SPAG16: variants seen among roughly 807,000 people sequenced by gnomAD.
The protein encoded by SPAG16 is sperm associated antigen 16, also known as sperm-associated antigen 16 protein.
In SPAG16, 86 loss-of-function variants were observed where a neutral mutation model predicts 80.4. The observed-to-expected ratio is 1.07, with a 90% confidence interval of 0.90 to 1.28. The LOEUF is 1.28. Ranked by LOEUF, SPAG16 falls within the 50% of genes most tolerant of loss-of-function variation. SPAG16 has a pLI of 0.00. For missense variants in SPAG16, 870 were observed against 765.3 expected (o/e 1.14, Z -1.61); for synonymous variants, 294 against 265.9 (o/e 1.11, Z -1.03).
intron 15 of SPAG16, among the ~76,000 whole-genome samples, chr2:214,277,957 G>T (rs1389762344): frequency 2.0e-5 from 3 of 152,170 alleles, no homozygotes; most frequent in Non-Finnish European, 4.4e-5. Context: ...GCTGTGGTGG[G>T]GTCCACCAGT....
At chr2:213,573,007 G>GC (rs1296243135) in intron 10 of SPAG16, among the ~76,000 whole-genome samples, 1 of 152,108 alleles carries the variant, frequency 6.6e-6, no homozygotes, top group Non-Finnish European at 1.5e-5. Flanking sequence ...TTTTCCAGGT[G>GC]CGTCCATCAC....
intron 10 of SPAG16, among the ~76,000 whole-genome samples, chr2:213,860,842 G>A (rs1225890962): frequency 6.6e-6 from 1 of 152,132 alleles, no homozygotes; most frequent in Non-Finnish European, 1.5e-5. Context: ...GGGTGCATGT[G>A]TCTGCCAGGA....
At chr2:213,863,197 A>T (rs138824320) in intron 11 of SPAG16, among the ~76,000 whole-genome samples, 5 of 152,056 alleles carry the variant, frequency 3.3e-5, no homozygotes, top group Non-Finnish European at 7.4e-5. Context: ...CAGATGGAAA[A>T]CTGCCCATAG....
At chr2:213,893,217 C>G (rs1177391817) in intron 11 of SPAG16, among the ~76,000 whole-genome samples, 2 of 152,104 alleles carry the variant, frequency 1.3e-5, no homozygotes, top group African/African-American at 4.8e-5. Flanking sequence ...TTCAACAAAG[C>G]TGTCCTTCAG....
intron 10 of SPAG16, among the ~76,000 whole-genome samples, chr2:213,816,609 A>C (rs1479861762): frequency 6.6e-6 from 1 of 152,058 alleles, no homozygotes; most frequent in Admixed American, 6.6e-5. Flanking sequence ...TTGACATCTT[A>C]TGAGATACTT....
intron 15 of SPAG16, among the ~76,000 whole-genome samples, chr2:214,358,776 G>T (rs1319991420): frequency 6.6e-6 from 1 of 151,904 alleles, no homozygotes; most frequent in Non-Finnish European, 1.5e-5. Context: ...TAGAAAGGGA[G>T]AACAGGAGGA....
chr2:214,224,487 T>C (rs1257356053), intron 15 of SPAG16, among the ~76,000 whole-genome samples: 1 of 152,160 alleles, frequency 6.6e-6, no homozygotes, highest in Non-Finnish European at 1.5e-5. Context: ...CAAATTTAGT[T>C]TATAATAAGT....
chr2:213,365,658 A>C (rs1575379855), intron 8 of SPAG16, among the ~76,000 whole-genome samples: 1 of 151,820 alleles, frequency 6.6e-6, no homozygotes, highest in African/African-American at 2.4e-5. Context: ...GGGCTTCACC[A>C]TGTTGGCCAG....
chr2:214,292,706 T>C (rs1693883307), intron 15 of SPAG16, among the ~76,000 whole-genome samples: 1 of 152,234 alleles, frequency 6.6e-6, no homozygotes, highest in Non-Finnish European at 1.5e-5. Context: ...GGAGGTGTCA[T>C]ATTTCCTTGC....
intron 5 of SPAG16, among the ~76,000 whole-genome samples, chr2:213,329,756 A>G (rs1172898253): frequency 2.6e-5 from 4 of 152,206 alleles, no homozygotes; most frequent in African/African-American, 9.6e-5. Flanking sequence ...AAATGTCTCC[A>G]GGGCATGTCA....
rs2072458696 is a variant in SPAG16, at chr2:213,462,840, A to T, written c.943-27123A>T. Among the ~76,000 whole-genome samples the T allele has an allele frequency of 2.0e-5, 3 of 152,176 alleles. No individual in the cohort carries two copies. The South Asian group carries it at 6.2e-4, about 31-fold the overall frequency. On this transcript the variant is annotated intron_variant, in intron 9 of 15. Coordinates refer to ENST00000331683, the MANE Select transcript of SPAG16 (RefSeq NM_024532.5). ...CAATGTGAGAATGGACTAATGGACT[A>T]ATACAGTAAATCGGTACCACAGAGA...
chr2:213,755,336 G>T (rs2068272711), intron 10 of SPAG16, among the ~76,000 whole-genome samples: 1 of 152,122 alleles, frequency 6.6e-6, no homozygotes, highest in Non-Finnish European at 1.5e-5. Context: ...AGTTTTGACT[G>T]ATATCATGTT....
intron 10 of SPAG16, among the ~76,000 whole-genome samples, chr2:213,662,664 T>C (rs1288689941): frequency 1.3e-5 from 2 of 152,166 alleles, no homozygotes; most frequent in Non-Finnish European, 2.9e-5. Flanking sequence ...TAACTGATTT[T>C]TTTTCATTGC....
intron 15 of SPAG16, among the ~76,000 whole-genome samples, chr2:214,222,397 G>A (rs1332063206): frequency 3.3e-5 from 5 of 152,068 alleles, no homozygotes; most frequent in Non-Finnish European, 7.4e-5. Context: ...GATTACAGGC[G>A]TGAGCCACCA....
At chr2:213,905,451 A>G (rs2077393688) in intron 11 of SPAG16, among the ~76,000 whole-genome samples, 1 of 152,246 alleles carries the variant, frequency 6.6e-6, no homozygotes, top group African/African-American at 2.4e-5. Flanking sequence ...ACTGGCATAC[A>G]TCTTTCTTAA....
intron 10 of SPAG16, among the ~76,000 whole-genome samples, chr2:213,681,946 C>A (rs561078099): frequency 6.6e-6 from 1 of 152,212 alleles, no homozygotes; most frequent in South Asian, 2.1e-4. Flanking sequence ...AAGACATTAC[C>A]CAGATCCAGG....
chr2:213,433,337 A>G (rs1273319515), intron 9 of SPAG16, among the ~76,000 whole-genome samples: 2 of 152,204 alleles, frequency 1.3e-5, no homozygotes, highest in African/African-American at 2.4e-5. Context: ...ATGATCTTAT[A>G]CTTGATTAGA....
intron 13 of SPAG16, among the ~76,000 whole-genome samples, chr2:214,032,816 G>A (rs1403620645): frequency 6.6e-6 from 1 of 152,156 alleles, no homozygotes; most frequent in Non-Finnish European, 1.5e-5. Flanking sequence ...AAGTTTAGGT[G>A]CAAAGACTAT....
intron 12 of SPAG16, among the ~76,000 whole-genome samples, chr2:213,943,611 TAAA>T (rs933470008): frequency 2.6e-5 from 4 of 152,030 alleles, no homozygotes; most frequent in Admixed American, 1.3e-4. Flanking sequence ...GATATTTAGC[TAAA>T]AAAAATTTCT....
Sources: gnomAD v4.1 joint callset for allele counts (sites outside exome capture counted in the v4.1 genomes callset) on GRCh38, gnomAD v4.1.1 for gene constraint, MANE v1.5 for transcripts, NCBI Gene and HGNC (gene_info 2026-07-23, HGNC 2026-07-21) for gene names.